The following ATE1 variants were observed in gnomAD, a reference collection of about 807,000 sequenced individuals.
ATE1 encodes the protein arginyl-tRNA--protein transferase 1.
ATE1 carries 36 observed loss-of-function variants against 70.5 expected under a neutral mutation model. The observed-to-expected ratio is 0.51, with a 90% CI of 0.39 to 0.67. The LOEUF (loss-of-function observed/expected upper bound fraction) is 0.67. ATE1 is among the 30% of genes least tolerant of loss of function. The pLI, the probability that ATE1 is intolerant of heterozygous loss-of-function variation, is 0.00. For missense variants in ATE1, 593 were observed against 629.5 expected (o/e 0.94, Z 0.62); for synonymous variants, 232 against 219.3 (o/e 1.06, Z -0.51).
At chr10:121,892,914 C>T (rs772700635) in intron 7 of ATE1, among the ~76,000 whole-genome samples, 30 of 152,320 alleles carry the variant, frequency 2.0e-4, no homozygotes, top group Non-Finnish European at 3.4e-4. Context: ...AGGCTGAGCC[C>T]TCTAGGGCGT....
chr10:121,898,813 C>G (rs1281880184), intron 7 of ATE1: 2 of 1,609,942 alleles, frequency 1.2e-6, no homozygotes, highest in African/African-American at 1.3e-5. Flanking sequence ...ACAACCTTAT[C>G]AACACAGAAA....
chr10:121,770,233 A>C (rs868443403), intron 11 of ATE1, among the ~76,000 whole-genome samples: 1 of 136,826 alleles, frequency 7.3e-6, no homozygotes, highest in Non-Finnish European at 1.6e-5. Context: ...ACAAGAGAGA[A>C]ACACACACAC....
intron 10 of ATE1, among the ~76,000 whole-genome samples, chr10:121,830,276 A>G (rs1948186527): frequency 6.6e-6 from 1 of 152,090 alleles, no homozygotes; most frequent in Admixed American, 6.5e-5. Flanking sequence ...TCATGGGAGA[A>G]CTGCCCTCGG....
chr10:121,749,135 C>T (rs1944482651), intron 11 of ATE1, among the ~76,000 whole-genome samples: 1 of 152,154 alleles, frequency 6.6e-6, no homozygotes, highest in South Asian at 2.1e-4. Flanking sequence ...AGCTCCTGCC[C>T]ATACCTTCCT....
In ATE1 at chr10:121,924,469, G is replaced by A. The variant is rs1952004339; in HGVS notation, c.107-140C>T. The A allele has an allele frequency of 5.5e-6, 4 of 724,098 alleles. No individual in the cohort carries two copies. In the Admixed American group the frequency reaches 9.3e-5, roughly 17 times the overall value. The allele number at this position is 724,098 out of a possible 1,614,324, so 44.9% of individuals were successfully genotyped here. ...TAATCCCAGCACTCTGGGAGGCCAAGGCGGGCAAATCACAAGGTCAGGAGT... is the reference window on the plus strand; with the variant it reads ...TAATCCCAGCACTCTGGGAGGCCAAAGCGGGCAAATCACAAGGTCAGGAGT... On this transcript the variant is annotated intron_variant, in intron 1 of 11. Transcript: ENST00000224652.
At chr10:121,752,086 A>G (rs948380796) in intron 11 of ATE1, among the ~76,000 whole-genome samples, 10 of 150,994 alleles carry the variant, frequency 6.6e-5, no homozygotes, top group Admixed American at 5.9e-4. Flanking sequence ...AGTCCCAGCT[A>G]CTAGGGAGGC....
Position 121,911,893 on chromosome 10 carries a change from C to T in ATE1, c.338-742G>A, listed in dbSNP as rs145452804. Among the ~76,000 whole-genome samples, 148 of 152,124 alleles carry T rather than the reference C, an allele frequency of 9.7e-4. No homozygotes were observed. In the East Asian group the frequency reaches 0.025, roughly 26 times the overall value. ...TCCCAAGTAGCTGGGACCACAGGCG[C>T]CCACCACCATGCCCAGTTAATTTTT... is the stretch of plus-strand genomic sequence containing the variant. On this transcript the variant is annotated intron_variant, in intron 4 of 11. Transcript: ENST00000224652.
In ATE1 at chr10:121,856,554, A is replaced by G. The variant is rs550114629; in HGVS notation, c.975+13452T>C. Among the ~76,000 whole-genome samples, 11 of 152,302 alleles carry G rather than the reference A, an allele frequency of 7.2e-5. 1 individual carries two copies. Among genetic ancestry groups the G allele is most frequent in the African/African-American group, 2.4e-4 (10 of 41,562 alleles). On this transcript the variant is annotated intron_variant, in intron 8 of 11. Coordinates refer to ENST00000224652, the MANE Select transcript of ATE1 (RefSeq NM_001001976.3). ...CAAAAAGATAATAGTAATAATATAGACATCTTGCAGGTACTATGGGTTTTG... is the reference window on the plus strand; with the variant it reads ...CAAAAAGATAATAGTAATAATATAGGCATCTTGCAGGTACTATGGGTTTTG...
intron 11 of ATE1, among the ~76,000 whole-genome samples, chr10:121,789,726 A>G (rs1946358522): frequency 6.6e-6 from 1 of 152,166 alleles, no homozygotes; most frequent in South Asian, 2.1e-4. Flanking sequence ...GAAAGTAAAA[A>G]AAGTATTGTC....
At chr10:121,773,561 C>G (rs1413560679) in intron 11 of ATE1, among the ~76,000 whole-genome samples, 1 of 152,168 alleles carries the variant, frequency 6.6e-6, no homozygotes, top group East Asian at 1.9e-4. Context: ...AAGGTTGAGA[C>G]TTTAAGTAAA....
chr10:121,748,155 C>A (rs779464514), intron 11 of ATE1, among the ~76,000 whole-genome samples: 1 of 152,154 alleles, frequency 6.6e-6, no homozygotes, highest in Non-Finnish European at 1.5e-5. Context: ...CAGTTTAAAC[C>A]TTTATCCTAA....
At chr10:121,802,944 T>G (rs1273514084) in intron 10 of ATE1, among the ~76,000 whole-genome samples, 1 of 152,190 alleles carries the variant, frequency 6.6e-6, no homozygotes, top group Non-Finnish European at 1.5e-5. Flanking sequence ...GTATGATAAA[T>G]GCTATGAAGA....
At chr10:121,928,251 G>C, upstream of ATE1, 4 of 1,408,916 alleles carry the variant, frequency 2.8e-6, no homozygotes, top group Non-Finnish European at 3.7e-6. Flanking sequence ...AGAGGGGAAG[G>C]GAAGCGGGAG....
At chr10:121,802,529 G>C (rs772421941) in intron 10 of ATE1, among the ~76,000 whole-genome samples, 1 of 151,916 alleles carries the variant, frequency 6.6e-6, no homozygotes, top group Non-Finnish European at 1.5e-5. Context: ...GGCTACTCTC[G>C]AACTCAAGAC....
intron 3 of ATE1, among the ~76,000 whole-genome samples, chr10:121,915,847 C>T (rs749353317): frequency 1.4e-5 from 2 of 146,856 alleles, no homozygotes; most frequent in Admixed American, 1.4e-4. Context: ...GCCAAGATCA[C>T]ACCACTGCAC....
chr10:121,886,488 T>C (rs2134159404), intron 7 of ATE1, among the ~76,000 whole-genome samples: 1 of 152,194 alleles, frequency 6.6e-6, no homozygotes, highest in Admixed American at 6.5e-5. Context: ...TGCCCTGTGG[T>C]GGAACAGACT....
intron 3 of ATE1, among the ~76,000 whole-genome samples, chr10:121,915,955 G>A (rs974776236): frequency 6.0e-5 from 9 of 150,782 alleles, no homozygotes; most frequent in African/African-American, 9.7e-5. Context: ...GAAAAGCTTC[G>A]GCCAGGCACA....
In ATE1 at chr10:121,882,092, G is replaced by A. The variant is rs191133208; in HGVS notation, c.943-12054C>T. ...ATTACAGGCGTGAGCCACCGTGCCC[G>A]GCCTACAGGTTTTCTGTGGCATAAA... On this transcript the variant is annotated intron_variant, in intron 7 of 11. Transcript: ENST00000224652. 7.4e-3 allele frequency among the ~76,000 whole-genome samples: 1,132 copies of A among 152,152 alleles called. 19 individuals carry two copies. The highest frequency in any genetic ancestry group is 0.026 in the African/African-American group (1,084 of 41,498).
chr10:121,891,068 G>A (rs1356354707), intron 7 of ATE1, among the ~76,000 whole-genome samples: 4 of 152,206 alleles, frequency 2.6e-5, no homozygotes, highest in Admixed American at 2.6e-4. Context: ...GACACACGAG[G>A]AGAGGGTTTA....
Sources: allele counts gnomAD v4.1 joint callset (sites outside exome capture counted in the v4.1 genomes callset), GRCh38; gene constraint gnomAD v4.1.1; transcripts MANE v1.5; gene names NCBI Gene and HGNC (gene_info 2026-07-23, HGNC 2026-07-21).